Variants in PGRMC2 observed in about 807,000 individuals in gnomAD.
The protein encoded by PGRMC2 is progesterone receptor membrane component 2.
A neutral mutation model predicts 19.3 loss-of-function variants in PGRMC2; 9 were observed. The ratio of observed to expected loss-of-function variants is 0.47; its 90% CI spans 0.28 to 0.81. The LOEUF (loss-of-function observed/expected upper bound fraction) is 0.81. PGRMC2 is among the 40% of genes least tolerant of loss of function. The pLI, the probability that PGRMC2 is intolerant of heterozygous loss-of-function variation, is 0.11. For missense variants in PGRMC2, 289 were observed against 297.3 expected (o/e 0.97, Z 0.21); for synonymous variants, 157 against 124.6 (o/e 1.26, Z -1.73).
rs762468720 is a variant in PGRMC2 at position 128,271,321 on chromosome 4, C to A, written c.667G>T (p.Asp223Tyr). The A allele has an allele frequency of 1.9e-6, 3 of 1,572,046 alleles. No individual in the cohort carries two copies. Among genetic ancestry groups the A allele is most frequent in the African/African-American group, 1.3e-5 (1 of 74,202 alleles). Reference sequence around the variant, plus strand: ...ACTTTGGTTGTTTACAAAGTTCAATCCTGTTTATTGTGATCCTTGGTATCT... The same window carrying A: ...ACTTTGGTTGTTTACAAAGTTCAATACTGTTTATTGTGATCCTTGGTATCT... ...EEDTKDHNKQ[D>Y] The change falls in exon 3 of 3, where the codon GAT (aspartate) becomes TAT (tyrosine). Residue 223 changes from aspartate (D) to tyrosine (Y), a missense_variant. Physicochemically the swap from Asp to Tyr is radical, Grantham distance 160. Transcript: ENST00000296425.
At chr4:128,283,171 T>A (rs1014031684) in intron 1 of PGRMC2, among the ~76,000 whole-genome samples, 5 of 152,342 alleles carry the variant, frequency 3.3e-5, no homozygotes, top group African/African-American at 1.2e-4. Flanking sequence ...ATACTAGCTG[T>A]TTGAGTCTTC....
intron 1 of PGRMC2, among the ~76,000 whole-genome samples, chr4:128,280,001 A>G (rs1468970960): frequency 6.6e-6 from 1 of 152,116 alleles, no homozygotes; most frequent in Non-Finnish European, 1.5e-5. Context: ...GTGAGGCCCT[A>G]TTTTGCAACA....
chr4:128,287,228 CCGTCCCAGGTGCGG>C, intron 1 of PGRMC2, 131 bp downstream of exon 1: 10 of 848,188 alleles, frequency 1.2e-5, no homozygotes, highest in Non-Finnish European at 1.8e-5. Flanking sequence ...GCGGGATGGG[CCGTCCCAGGTGCGG>C]CGGCCGAGGC....
chr4:128,287,326 G>T (rs550104171), intron 1 of PGRMC2, 47 bp downstream of exon 1: 14 of 1,554,760 alleles, frequency 9.0e-6, no homozygotes, highest in Non-Finnish European at 1.7e-6. Flanking sequence ...GAAGGGGGTT[G>T]TGCTTCAGCT....
intron 1 of PGRMC2, 30 bp downstream of exon 1, chr4:128,287,343 G>A (rs377471533): frequency 1.3e-6 from 2 of 1,572,188 alleles, no homozygotes; most frequent in Non-Finnish European, 1.7e-6. Flanking sequence ...AGCTGCAGGG[G>A]GTCCTTCCCC....
chr4:128,274,167 A>G (rs964908233), intron 1 of PGRMC2, among the ~76,000 whole-genome samples: 1 of 152,172 alleles, frequency 6.6e-6, no homozygotes, highest in African/African-American at 2.4e-5. Context: ...ATGGAACACA[A>G]TTTACCACTG....
chr4:128,270,771 AAAAAG>A lies in PGRMC2; in HGVS notation c.*540_*544del, dbSNP rs1302155262. 1 of 152,190 alleles carries A rather than the reference AAAAAG, an allele frequency of 6.6e-6. No individual in the cohort carries two copies. Among genetic ancestry groups the A allele is most frequent in the Non-Finnish European group, 1.5e-5 (1 of 68,038 alleles). 9.4% of individuals were successfully genotyped at this position (152,190 alleles called of 1,614,324 possible). A position where few individuals can be genotyped will look rare whatever the true frequency, so the allele number is the denominator to read the frequency against. ...TATTTTTCTTTTCCCTGACAAAGCC[AAAAAG>A]AAAAGTTTGGGAATTCACATTTTAA... is the stretch of plus-strand genomic sequence containing the variant. On this transcript the variant is annotated 3_prime_UTR_variant, in exon 3 of 3. Transcript: ENST00000296425.
At chr4:128,271,511 A>T in intron 2 of PGRMC2, 98 bp from the exon 3 acceptor site, 1 of 598,356 alleles carries the variant, frequency 1.7e-6, no homozygotes, top group Non-Finnish European at 2.9e-6. Context: ...AATCATATAA[A>T]ATATGATTAT....
chr4:128,283,985 T>A (rs1281593624), intron 1 of PGRMC2, among the ~76,000 whole-genome samples: 1 of 151,526 alleles, frequency 6.6e-6, no homozygotes, highest in East Asian at 1.9e-4. Context: ...TTATTTTTTT[T>A]TTTTTAGTAG....
At chr4:128,281,316 T>C (rs1471761604) in intron 1 of PGRMC2, among the ~76,000 whole-genome samples, 2 of 152,190 alleles carry the variant, frequency 1.3e-5, no homozygotes, top group South Asian at 2.1e-4. Flanking sequence ...ATCTGTCAAA[T>C]GTCAGTAAAG....
At chr4:128,272,584 T>TAAAAAAAAAAAAA (rs5861848) in intron 1 of PGRMC2, 67 bp from the exon 2 acceptor site, 2 of 318,658 alleles carry the variant, frequency 6.3e-6, no homozygotes, top group Admixed American at 8.4e-5. Flanking sequence ...AAGGAAAAAG[T>TAAAAAAAAAAAAA]AAAAAAAAAA....
At chr4:128,275,673 G>A (rs866060789) in intron 1 of PGRMC2, among the ~76,000 whole-genome samples, 2 of 152,114 alleles carry the variant, frequency 1.3e-5, no homozygotes. Context: ...CTTCTGCAAA[G>A]GTCTTTTTAG....
intron 1 of PGRMC2, among the ~76,000 whole-genome samples, chr4:128,283,900 A>T (rs1383364265): frequency 1.3e-5 from 2 of 152,146 alleles, no homozygotes; most frequent in Admixed American, 1.3e-4. Flanking sequence ...ACCTCAGGTG[A>T]TCTGCCCGCC....
chr4:128,286,594 A>G, intron 1 of PGRMC2: 2 of 398,526 alleles, frequency 5.0e-6, no homozygotes, highest in Non-Finnish European at 8.8e-6. Context: ...GAGAAAAAAA[A>G]AGAAAAAAGA....
rs539018623 is a variant in PGRMC2, at chr4:128,287,587, G to C, written c.204C>G (p.Ala68=). 6.6e-7 allele frequency: 1 copy of C among 1,522,634 alleles called. No individual in the cohort carries two copies. The highest frequency in any genetic ancestry group is 8.8e-7 in the Non-Finnish European group (1 of 1,135,194). The allele number at this position is 1,522,634 out of a possible 1,614,324, so 94.3% of individuals were successfully genotyped here. A position where few individuals can be genotyped will look rare whatever the true frequency, so the allele number is the denominator to read the frequency against. ...GCCCCCAGCGCACCCACAGCCGGTA[G>C]GCCCCCAGCAGCACCAGAGCCACCA... ...VALVALVLLG[A]YRLWVRWGRR... Residue 68 remains alanine, a synonymous_variant, in exon 1 of 3, where the codon GCC becomes GCG. Coordinates refer to ENST00000296425, the MANE Select transcript of PGRMC2 (RefSeq NM_006320.6).
chr4:128,272,518 C>A lies in PGRMC2; in HGVS notation c.419-1G>T. Reference sequence around the variant, plus strand: ...CCAGCAAATATTCCATATGGACCCGCTGGAAAAAAGAAAATAAATTATTTA... The same window carrying A: ...CCAGCAAATATTCCATATGGACCCGATGGAAAAAAGAAAATAAATTATTTA... On this transcript the variant is annotated splice_acceptor_variant, in intron 1 of 2. Coordinates refer to ENST00000296425, the MANE Select transcript of PGRMC2 (RefSeq NM_006320.6). LOFTEE classifies it high-confidence loss of function. The A allele has an allele frequency of 7.0e-7, 1 of 1,438,580 alleles. No individual in the cohort carries two copies. Among genetic ancestry groups the A allele is most frequent in the Non-Finnish European group, 9.1e-7 (1 of 1,095,488 alleles). 89.1% of individuals were successfully genotyped at this position (1,438,580 alleles called of 1,614,324 possible).
chr4:128,285,355 C>T (rs1760968930), intron 1 of PGRMC2, among the ~76,000 whole-genome samples: 1 of 152,218 alleles, frequency 6.6e-6, no homozygotes, highest in Non-Finnish European at 1.5e-5. Flanking sequence ...TTTCGAACTC[C>T]TGACCTCTGG....
At position 128,269,286 on chromosome 4, in the gene PGRMC2, AC is replaced by A. The variant is rs1284372080; in HGVS notation, c.*2029del. Reference sequence around the variant, plus strand: ...ACACTGTTTATTTCAAGTCCAAAACACAAATTACTCATTTTTCTTAACAGAC... The same window carrying A: ...ACACTGTTTATTTCAAGTCCAAAACAAAATTACTCATTTTTCTTAACAGAC... On this transcript the variant is annotated 3_prime_UTR_variant, in exon 3 of 3. Transcript: ENST00000296425. The A allele has an allele frequency of 1.3e-5, 2 of 152,204 alleles. No homozygotes were observed. The highest frequency in any genetic ancestry group is 2.9e-5 in the Non-Finnish European group (2 of 68,030). 9.4% of individuals were successfully genotyped at this position (152,204 alleles called of 1,614,324 possible).
At chr4:128,278,617 T>A (rs1760853146) in intron 1 of PGRMC2, among the ~76,000 whole-genome samples, 1 of 151,940 alleles carries the variant, frequency 6.6e-6, no homozygotes, top group Non-Finnish European at 1.5e-5. Flanking sequence ...GGACTCTAAT[T>A]TCACATCTTA....
Sources: allele counts gnomAD v4.1 joint callset (sites outside exome capture counted in the v4.1 genomes callset), GRCh38; gene constraint gnomAD v4.1.1; transcripts MANE v1.5; gene names NCBI Gene and HGNC (gene_info 2026-07-23, HGNC 2026-07-21).